STAC: variants seen among roughly 807,000 people sequenced by gnomAD.
STAC encodes SH3 and cysteine rich domain.
Under a neutral mutation model 48.8 loss-of-function variants are expected in STAC, and 43 were observed. That is an observed-to-expected ratio of 0.88 (90% confidence interval 0.69 to 1.14). The LOEUF (loss-of-function observed/expected upper bound fraction) is 1.14, where lower values mean the gene tolerates loss of function less well. Among genes scored for constraint, STAC ranks in the 50% most tolerant of loss-of-function variants. The pLI is 0.00. For synonymous variants in STAC, 193 were observed against 179.5 expected, an observed-to-expected ratio of 1.07 and a Z score of -0.60; for missense variants, 497 against 504.0, an observed-to-expected ratio of 0.99 and a Z score of 0.13.
At chr3:36,384,649 C>T (rs1699578777) in intron 1 of STAC, among the ~76,000 whole-genome samples, 2 of 152,090 alleles carry the variant, frequency 1.3e-5, no homozygotes, top group Admixed American at 1.3e-4. Flanking sequence ...TAATTGATTA[C>T]AATGAGACTT....
intron 2 of STAC, among the ~76,000 whole-genome samples, chr3:36,444,374 T>C (rs976088057): frequency 6.6e-6 from 1 of 152,218 alleles, no homozygotes; most frequent in African/African-American, 2.4e-5. Flanking sequence ...AAAATGGCCA[T>C]GTTTTACTCT....
intron 8 of STAC, among the ~76,000 whole-genome samples, chr3:36,515,186 A>G (rs1698641094): frequency 6.6e-6 from 1 of 152,118 alleles, no homozygotes; most frequent in African/African-American, 2.4e-5. Flanking sequence ...AAGAAATTGT[A>G]AAGGGGGAGG....
intron 1 of STAC, among the ~76,000 whole-genome samples, chr3:36,425,862 A>C (rs1700551989): frequency 6.6e-6 from 1 of 152,062 alleles, no homozygotes; most frequent in Non-Finnish European, 1.5e-5. Flanking sequence ...CCCTGTCTCT[A>C]CCAAAAATAC....
chr3:36,462,124 A>T (rs1017737656), intron 2 of STAC, among the ~76,000 whole-genome samples: 1 of 152,148 alleles, frequency 6.6e-6, no homozygotes, highest in Non-Finnish European at 1.5e-5. Context: ...CTCCAACAGG[A>T]TTGATTTTCT....
At chr3:36,446,288 T>C (rs1031331285) in intron 2 of STAC, among the ~76,000 whole-genome samples, 2 of 152,202 alleles carry the variant, frequency 1.3e-5, no homozygotes, top group African/African-American at 4.8e-5. Flanking sequence ...TCAACCCAGC[T>C]CTTCATGGAG....
intron 10 of STAC, among the ~76,000 whole-genome samples, chr3:36,539,552 G>A (rs79188629): frequency 0.091 from 13,781 of 152,086 alleles, 700 homozygotes; most frequent in Non-Finnish European, 0.11. Context: ...TTGTTTTATG[G>A]CTGCTTAGTA....
At position 36,443,523 on chromosome 3, in the gene STAC, A is replaced by G; in HGVS notation, c.271A>G (p.Ser91Gly). 6.2e-7 allele frequency: 1 copy of G among 1,614,212 alleles called. No individual in the cohort carries two copies. The highest frequency in any genetic ancestry group is 8.5e-7 in the Non-Finnish European group (1 of 1,180,032). The stretch of plus-strand genomic sequence containing the variant: ...CTCCAGCCCACTCCCTGCTCCAGGA[A>G]GCCTGACGTCCACACCCGCCAGGGC... ...PSSSPLPAPG[S>G]LTSTPARAGL... Residue 91 changes from serine to glycine, a missense_variant, in exon 2 of 11, where the codon AGC becomes GGC. Physicochemically the swap from Ser to Gly is moderately conservative, Grantham distance 56. Transcript: ENST00000273183. The surrounding 1 kb of genome is among the most constrained non-coding windows in gnomAD (Gnocchi z 4.2).
At chr3:36,533,475 G>A (rs975395990) in intron 10 of STAC, among the ~76,000 whole-genome samples, 1 of 61,396 alleles carries the variant, frequency 1.6e-5, no homozygotes, top group African/African-American at 6.4e-5. Context: ...TTGCTAGCAT[G>A]TTTTTTTTTT....
intron 1 of STAC, among the ~76,000 whole-genome samples, chr3:36,440,848 T>C (rs1696325290): frequency 6.6e-6 from 1 of 152,216 alleles, no homozygotes; most frequent in Non-Finnish European, 1.5e-5. Context: ...TAAACTTGCC[T>C]GATATATTGT....
At chr3:36,459,644 TTTCG>T (rs1696950654) in intron 2 of STAC, among the ~76,000 whole-genome samples, 1 of 152,234 alleles carries the variant, frequency 6.6e-6, no homozygotes, top group Admixed American at 6.5e-5. Context: ...ATGATTTGGT[TTTCG>T]TCAGAAACAG....
intron 2 of STAC, among the ~76,000 whole-genome samples, chr3:36,445,708 T>C (rs989649182): frequency 1.3e-5 from 2 of 152,218 alleles, no homozygotes; most frequent in Non-Finnish European, 2.9e-5. Context: ...GTTATCCTCA[T>C]ATTCTAGATT....
intron 1 of STAC, among the ~76,000 whole-genome samples, chr3:36,406,673 TG>T: frequency 6.6e-6 from 1 of 152,258 alleles, no homozygotes; most frequent in Non-Finnish European, 1.5e-5. Flanking sequence ...GCCCACTGCC[TG>T]TTTTGTAAAT....
intron 1 of STAC, among the ~76,000 whole-genome samples, chr3:36,420,121 T>A (rs1327536600): frequency 6.6e-6 from 1 of 152,202 alleles, no homozygotes. Context: ...TCTACAGTAT[T>A]AGTTAGCACT....
chr3:36,529,042 TA>T, intron 10 of STAC, 57 bp downstream of exon 10: 1 of 1,491,358 alleles, frequency 6.7e-7, no homozygotes, highest in Non-Finnish European at 9.0e-7. Context: ...GTCATTTTAA[TA>T]AACTTAATAA....
At chr3:36,469,704 G>A (rs980314767) in intron 2 of STAC, among the ~76,000 whole-genome samples, 5 of 152,128 alleles carry the variant, frequency 3.3e-5, no homozygotes, top group African/African-American at 1.2e-4. Context: ...TCTTCCCCGG[G>A]AAGCCCAATT....
rs536157571 is a variant in STAC, at chr3:36,457,192, CACAA to C, written c.388+13563_388+13566del. ...AGGTGATCATCAGCAAATGGATCAT[CACAA>C]ACAAACAAACTCAAAATATAGACCT... On this transcript the variant is annotated intron_variant, in intron 2 of 10. Transcript: ENST00000273183. 1.7e-3 allele frequency among the ~76,000 whole-genome samples: 260 copies of C among 152,302 alleles called. 1 individual carries two copies. The highest frequency in any genetic ancestry group is 0.01 in the Middle Eastern group (3 of 294).
chr3:36,392,436 C>T (rs543693652), intron 1 of STAC, among the ~76,000 whole-genome samples: 32 of 152,212 alleles, frequency 2.1e-4, no homozygotes, highest in African/African-American at 7.0e-4. Flanking sequence ...GCCTCCCAGG[C>T]TCAAGCAATC....
chr3:36,422,308 A>G (rs1157030530), intron 1 of STAC, among the ~76,000 whole-genome samples: 1 of 152,148 alleles, frequency 6.6e-6, no homozygotes. Flanking sequence ...CAAAGGAGTC[A>G]TATTATTTTT....
intron 10 of STAC, among the ~76,000 whole-genome samples, chr3:36,535,925 T>G (rs1344451634): frequency 6.6e-6 from 1 of 152,172 alleles, no homozygotes; most frequent in African/African-American, 2.4e-5. Flanking sequence ...TGGCCTGAAG[T>G]TTTCTTTTTT....
Sources: allele counts gnomAD v4.1 joint callset (sites outside exome capture counted in the v4.1 genomes callset), GRCh38; gene constraint gnomAD v4.1.1; non-coding constraint Gnocchi (gnomAD v3.1); transcripts MANE v1.5; gene names NCBI Gene and HGNC (gene_info 2026-07-23, HGNC 2026-07-21).